Variants in COMMD1 observed in about 807,000 individuals in gnomAD.
COMMD1 encodes COMM domain-containing protein 1.
Under a neutral mutation model 17.2 loss-of-function variants are expected in COMMD1, and 10 were observed. The observed-to-expected ratio is 0.58, with a 90% CI of 0.36 to 0.99. The LOEUF is 0.99. COMMD1 is among the 50% of genes least tolerant of loss of function. The pLI is 0.01. For missense variants in COMMD1, 270 were observed against 231.8 expected (o/e 1.17, Z -1.07); for synonymous variants, 97 against 91.6 (o/e 1.06, Z -0.34).
intron 2 of COMMD1, among the ~76,000 whole-genome samples, chr2:62,011,078 C>T (rs932565251): frequency 2.0e-5 from 3 of 152,136 alleles, no homozygotes; most frequent in East Asian, 1.9e-4. Flanking sequence ...TTTCTCAATT[C>T]GTCTTACTCC....
intron 1 of COMMD1, among the ~76,000 whole-genome samples, chr2:61,987,266 A>G (rs1672129584): frequency 6.6e-6 from 1 of 152,150 alleles, no homozygotes; most frequent in African/African-American, 2.4e-5. Flanking sequence ...GTGTCTAGGC[A>G]TTAAAGAATT....
intron 2 of COMMD1, among the ~76,000 whole-genome samples, chr2:62,066,452 T>G (rs959178883): frequency 2.6e-5 from 4 of 151,688 alleles, no homozygotes; most frequent in Non-Finnish European, 5.9e-5. Flanking sequence ...TTTTTTTTTT[T>G]TGAGATGGAG....
chr2:61,919,561 T>C (rs1335655177), intron 1 of COMMD1, among the ~76,000 whole-genome samples: 1 of 149,554 alleles, frequency 6.7e-6, no homozygotes, highest in African/African-American at 2.5e-5. Flanking sequence ...TTTTTTTTCA[T>C]TGAGTAGAGA....
At chr2:62,086,417 AG>A (rs1221137458) in intron 2 of COMMD1, among the ~76,000 whole-genome samples, 1 of 151,216 alleles carries the variant, frequency 6.6e-6, no homozygotes, top group East Asian at 2.0e-4. Flanking sequence ...AGGCTGAGGC[AG>A]GAGAATCGCG....
intron 1 of COMMD1, among the ~76,000 whole-genome samples, chr2:61,963,447 C>A (rs1196584010): frequency 2.0e-5 from 3 of 152,050 alleles, no homozygotes; most frequent in African/African-American, 7.2e-5. Context: ...ACCTGGGCCA[C>A]CCCGGTTCAA....
At chr2:61,985,614 CTT>C (rs1225203595) in intron 1 of COMMD1, among the ~76,000 whole-genome samples, 6 of 151,960 alleles carry the variant, frequency 3.9e-5, no homozygotes, top group Non-Finnish European at 7.4e-5. Context: ...GTTTTAATAT[CTT>C]TTTATTTTTT....
intron 2 of COMMD1, among the ~76,000 whole-genome samples, chr2:62,052,901 T>A (rs1346613464): frequency 6.6e-6 from 1 of 152,118 alleles, no homozygotes; most frequent in Non-Finnish European, 1.5e-5. Flanking sequence ...AAACTCCGTC[T>A]CTACCAAAAG....
chr2:62,059,339 T>A (rs1670793218), intron 2 of COMMD1, among the ~76,000 whole-genome samples: 1 of 151,908 alleles, frequency 6.6e-6, no homozygotes, highest in Non-Finnish European at 1.5e-5. Flanking sequence ...AAAAATTTTT[T>A]TGTTTTTTGT....
chr2:61,996,446 T>G (rs926197608), intron 1 of COMMD1, among the ~76,000 whole-genome samples: 2 of 151,982 alleles, frequency 1.3e-5, no homozygotes, highest in Non-Finnish European at 2.9e-5. Context: ...TGTGGCAATT[T>G]CTTAAATAAC....
intron 2 of COMMD1, among the ~76,000 whole-genome samples, chr2:62,020,856 A>T (rs1256767851): frequency 6.6e-6 from 1 of 152,104 alleles, no homozygotes; most frequent in Non-Finnish European, 1.5e-5. Flanking sequence ...AAAAAAAATT[A>T]GCCAGGCGTC....
chr2:62,127,554 G>A (rs1672916925), intron 2 of COMMD1, among the ~76,000 whole-genome samples: 1 of 152,090 alleles, frequency 6.6e-6, no homozygotes, highest in Admixed American at 6.6e-5. Context: ...ACAGAATAGA[G>A]AACCCAGAAA....
At chr2:61,901,924 C>T (rs1669664720), upstream of COMMD1, among the ~76,000 whole-genome samples, 1 of 152,026 alleles carries the variant, frequency 6.6e-6, no homozygotes, top group Non-Finnish European at 1.5e-5. Flanking sequence ...ACCTCTGCCT[C>T]CTGGGTTCAA....
At chr2:62,091,588 G>A (rs755062875) in intron 2 of COMMD1, among the ~76,000 whole-genome samples, 10 of 152,140 alleles carry the variant, frequency 6.6e-5, no homozygotes, top group African/African-American at 4.8e-5. Context: ...TCCCAGAGGC[G>A]CCCTGGTCTT....
intron 1 of COMMD1, among the ~76,000 whole-genome samples, chr2:61,966,971 A>G (rs1471158039): frequency 6.6e-6 from 1 of 152,024 alleles, no homozygotes; most frequent in East Asian, 1.9e-4. Flanking sequence ...AAGAGCAGTA[A>G]CATTTTTTCT....
chr2:61,953,232 A>T (rs781051924), intron 1 of COMMD1, among the ~76,000 whole-genome samples: 30 of 151,530 alleles, frequency 2.0e-4, no homozygotes, highest in Non-Finnish European at 2.7e-4. Flanking sequence ...CTGATCTCGA[A>T]CTCCTGACCT....
intron 2 of COMMD1, among the ~76,000 whole-genome samples, chr2:62,132,614 G>A (rs531155364): frequency 6.6e-6 from 1 of 152,260 alleles, no homozygotes; most frequent in South Asian, 2.1e-4. Flanking sequence ...GAAGGCCAAG[G>A]CAGGCAGATC....
intron 1 of COMMD1, among the ~76,000 whole-genome samples, chr2:61,956,245 A>C (rs549031540): frequency 6.6e-6 from 1 of 152,268 alleles, no homozygotes; most frequent in African/African-American, 2.4e-5. Flanking sequence ...CTCCCATTGA[A>C]TTGCCTTATC....
chr2:61,896,299 A>C (rs1036667399), intron 1 of COMMD1, among the ~76,000 whole-genome samples: 7 of 152,158 alleles, frequency 4.6e-5, no homozygotes, highest in Admixed American at 6.5e-5. Flanking sequence ...TAAGAACTCA[A>C]ATCTGGCTGG....
At chr2:61,953,162 A>G (rs909290804) in intron 1 of COMMD1, among the ~76,000 whole-genome samples, 3 of 151,550 alleles carry the variant, frequency 2.0e-5, no homozygotes, top group Admixed American at 6.6e-5. Flanking sequence ...GGGGTGTGCC[A>G]CCATGCCTAG....
Sources: allele counts gnomAD v4.1 joint callset (sites outside exome capture counted in the v4.1 genomes callset), GRCh38; gene constraint gnomAD v4.1.1; transcripts MANE v1.5; gene names NCBI Gene and HGNC (gene_info 2026-07-23, HGNC 2026-07-21).